USP9X: variants seen among roughly 807,000 people sequenced by gnomAD.
USP9X encodes the protein ubiquitin carboxyl-terminal hydrolase 9X.
Under a neutral mutation model 190.3 loss-of-function variants are expected in USP9X, and 7 were observed. That is an observed-to-expected ratio of 0.04 (90% CI 0.02 to 0.07). USP9X has a LOEUF of 0.07. Ranked by LOEUF, USP9X falls within the 10% of genes least tolerant of loss-of-function variation. USP9X has a pLI of 1.00. For synonymous variants in USP9X, 645 were observed against 659.5 expected (o/e 0.98, Z 0.34); for missense variants, 1,010 against 1,916.9 (o/e 0.53, Z 8.83).
At chrX:41,131,068 A>G (rs12688854) in intron 3 of USP9X, among the ~76,000 whole-genome samples, 21,218 of 109,468 alleles carry the variant, frequency 0.19, 1,583 homozygotes, top group Admixed American at 0.26. Context: ...GTGGCGGGGC[A>G]ATGAAGAGGT....
intron 1 of USP9X, among the ~76,000 whole-genome samples, chrX:41,097,455 T>G (rs2061999831): frequency 9.0e-6 from 1 of 111,604 alleles, no homozygotes; most frequent in Non-Finnish European, 1.9e-5. Flanking sequence ...GGTCTCAGGA[T>G]GCTTTTATAC....
intron 1 of USP9X, among the ~76,000 whole-genome samples, chrX:41,115,763 CT>C (rs975964962): frequency 1.8e-5 from 2 of 111,028 alleles, no homozygotes; most frequent in African/African-American, 3.3e-5. Flanking sequence ...ATTTAAACAC[CT>C]TTTTTTTGGA....
At chrX:41,190,611 T>C (rs2267494) in intron 26 of USP9X, among the ~76,000 whole-genome samples, 15,281 of 111,660 alleles carry the variant, frequency 0.14, 953 homozygotes, top group East Asian at 0.21. Flanking sequence ...GTTTTAATGA[T>C]GTCAAACCTG....
intron 6 of USP9X, among the ~76,000 whole-genome samples, chrX:41,137,323 ATTG>A (rs1455057322): frequency 9.0e-6 from 1 of 111,267 alleles, no homozygotes. Flanking sequence ...CAAGGACTCA[ATTG>A]TTGTTCTGTA....
intron 26 of USP9X, chrX:41,190,014 A>G (rs891502689): frequency 8.9e-6 from 1 of 112,152 alleles, no homozygotes; most frequent in Non-Finnish European, 1.9e-5. Context: ...GTTGGTTTCC[A>G]TCCTCTTGTA....
intron 34 of USP9X, 41 bp downstream of exon 34, chrX:41,214,750 A>C: frequency 2.6e-6 from 3 of 1,156,766 alleles, no homozygotes; most frequent in Non-Finnish European, 3.4e-6. Flanking sequence ...ATTACATTTA[A>C]TGGATTTAGA....
intron 1 of USP9X, among the ~76,000 whole-genome samples, chrX:41,101,018 T>C (rs1303440979): frequency 8.9e-6 from 1 of 111,911 alleles, no homozygotes; most frequent in Non-Finnish European, 1.9e-5. Context: ...AAAAAATTGC[T>C]GACCTCTGGT....
At chrX:41,102,310 G>T (rs188063349) in intron 1 of USP9X, among the ~76,000 whole-genome samples, 1 of 111,815 alleles carries the variant, frequency 8.9e-6, no homozygotes, top group Non-Finnish European at 1.9e-5. Context: ...AGAACACCCA[G>T]TGGAGGCACA....
At chrX:41,127,054 G>T (rs1447088092) in intron 2 of USP9X, among the ~76,000 whole-genome samples, 2 of 110,996 alleles carry the variant, frequency 1.8e-5, no homozygotes, top group East Asian at 5.6e-4. Context: ...ATGAAATTTG[G>T]CAGTATTTGT....
rs191320890 is a variant in USP9X, at chrX:41,104,204, C to G, written c.-159+18095C>G. On this transcript the variant is annotated intron_variant, in intron 1 of 44. Transcript: ENST00000378308. ...GTCTCAGCACTCCCAGTAGTTGGGACTACAGGTGCATGCTACCACGCTGAG... is the reference window on the plus strand; with the variant it reads ...GTCTCAGCACTCCCAGTAGTTGGGAGTACAGGTGCATGCTACCACGCTGAG... 7.0e-3 allele frequency among the ~76,000 whole-genome samples: 779 copies of G among 111,181 alleles called. 9 individuals carry two copies. The highest frequency in any genetic ancestry group is 0.024 in the African/African-American group (741 of 30,551).
At chrX:41,097,739 C>T (rs1476721398) in intron 1 of USP9X, among the ~76,000 whole-genome samples, 3 of 111,865 alleles carry the variant, frequency 2.7e-5, no homozygotes, top group Non-Finnish European at 5.6e-5. Context: ...TGCCTTCAAT[C>T]TATTGCGATA....
rs1019376294 is a variant in USP9X, at chrX:41,143,851, T to G, written c.1314+408T>G. Among the ~76,000 whole-genome samples the G allele has an allele frequency of 9.8e-5, 11 of 112,132 alleles. No homozygotes were observed. In the Admixed American group the frequency reaches 1.0e-3, roughly 11 times the overall value. ...ATTATTCCAGAGAATTTATAACTCT[T>G]CAGAAGGATTAGTAACCTTTTTAGT... On this transcript the variant is annotated intron_variant, in intron 10 of 44. Coordinates refer to ENST00000378308, the MANE Select transcript of USP9X (RefSeq NM_001039591.3).
At position 41,234,044 on chromosome X, in the gene USP9X, CCTT is replaced by C. The variant is rs764501766; in HGVS notation, c.*1521_*1523del. On this transcript the variant is annotated 3_prime_UTR_variant, in exon 45 of 45. Transcript: ENST00000378308. ...TTTTTTTTTTGGTTACTTTTTTTGT[CCTT>C]TTTTTTTTTTTTTAAAAGAGGACTG... 2.1e-5 allele frequency: 2 copies of C among 95,190 alleles called. No homozygotes were observed. Among genetic ancestry groups the C allele is most frequent in the African/African-American group, 8.0e-5 (2 of 25,145 alleles). The allele number at this position is 95,190 out of a possible 1,213,427, so 7.8% of individuals were successfully genotyped here. A position where few individuals can be genotyped will look rare whatever the true frequency, so the allele number is the denominator to read the frequency against.
chrX:41,158,510 A>G (rs2062599378), intron 14 of USP9X, among the ~76,000 whole-genome samples: 1 of 110,442 alleles, frequency 9.1e-6, no homozygotes, highest in Non-Finnish European at 1.9e-5. Flanking sequence ...TCTGAAGGCA[A>G]GCTGAAGATA....
intron 11 of USP9X, 39 bp from the exon 12 acceptor site, chrX:41,148,330 A>G: frequency 8.4e-7 from 1 of 1,190,299 alleles, no homozygotes; most frequent in Non-Finnish European, 1.1e-6. Flanking sequence ...AGTGGTGACT[A>G]AATATGTGTT....
intron 1 of USP9X, among the ~76,000 whole-genome samples, chrX:41,088,775 T>TC (rs1286702469): frequency 1.8e-5 from 2 of 111,691 alleles, no homozygotes; most frequent in Non-Finnish European, 3.8e-5. Context: ...CTTTTTTTTT[T>TC]CAAAAAGGGA....
Position 41,223,142 on chromosome X carries a change from G to A in USP9X, c.6566-75G>A, listed in dbSNP as rs979888059. The A allele has an allele frequency of 1.2e-5, 12 of 968,152 alleles. No individual in the cohort carries two copies. The Middle Eastern group carries it at 1.0e-3, about 81-fold the overall frequency. 79.8% of individuals were successfully genotyped at this position (968,152 alleles called of 1,213,427 possible). A position where few individuals can be genotyped will look rare whatever the true frequency, so the allele number is the denominator to read the frequency against. On this transcript the variant is annotated intron_variant, in intron 38 of 44. Coordinates refer to ENST00000378308, the MANE Select transcript of USP9X (RefSeq NM_001039591.3). ...TATAACTACTTGTTTTATTCATGAAGCCCTTGCCATCTTAATTTTTTCCTC... is the reference window on the plus strand; with the variant it reads ...TATAACTACTTGTTTTATTCATGAAACCCTTGCCATCTTAATTTTTTCCTC...
rs746887951 is a variant in USP9X, at chrX:41,088,898, T to G, written c.-159+2789T>G. On this transcript the variant is annotated intron_variant, in intron 1 of 44. Coordinates refer to ENST00000378308, the MANE Select transcript of USP9X (RefSeq NM_001039591.3). Reference sequence around the variant, plus strand: ...TTAACATAGAGTTTAACGTTAATATTTGGGAAAGAGTTAGTGCATTGGACC... The same window carrying G: ...TTAACATAGAGTTTAACGTTAATATGTGGGAAAGAGTTAGTGCATTGGACC... 2.7e-5 allele frequency among the ~76,000 whole-genome samples: 3 copies of G among 111,935 alleles called. No individual in the cohort carries two copies. The South Asian group carries it at 1.1e-3, about 41-fold the overall frequency.
Position 41,131,393 on chromosome X carries a change from T to A in USP9X, c.243-64T>A. 4 of 816,506 alleles carry A rather than the reference T, an allele frequency of 4.9e-6. No individual in the cohort carries two copies. The Middle Eastern group carries it at 1.2e-3, about 236-fold the overall frequency. The allele number at this position is 816,506 out of a possible 1,213,427, so 67.3% of individuals were successfully genotyped here. A position where few individuals can be genotyped will look rare whatever the true frequency, so the allele number is the denominator to read the frequency against. On this transcript the variant is annotated intron_variant, in intron 3 of 44. Transcript: ENST00000378308. ...TAGCAAGATAATTATAATTAGTAGC[T>A]CATTTGTAGTGCCTCTTTTAGTGTA...
Sources: allele counts gnomAD v4.1 joint callset (sites outside exome capture counted in the v4.1 genomes callset), GRCh38; gene constraint gnomAD v4.1.1; transcripts MANE v1.5; gene names NCBI Gene and HGNC (gene_info 2026-07-23, HGNC 2026-07-21).